SNCAIP: variants seen among roughly 807,000 people sequenced by gnomAD.
SNCAIP encodes the protein synphilin-1.
A neutral mutation model predicts 86.7 loss-of-function variants in SNCAIP; 43 were observed. The ratio of observed to expected loss-of-function variants is 0.50; its 90% CI spans 0.39 to 0.64. The LOEUF is 0.64. SNCAIP is among the 30% of genes least tolerant of loss of function. SNCAIP has a pLI of 0.00. For synonymous variants in SNCAIP, 417 were observed against 427.2 expected (o/e 0.98, Z 0.29); for missense variants, 981 against 1,103.1 (o/e 0.89, Z 1.57).
chr5:122,311,764 G>A (rs1750611155), upstream of SNCAIP: 1 of 152,410 alleles, frequency 6.6e-6, no homozygotes, highest in Non-Finnish European at 1.5e-5. Context: ...AACGGCAGTC[G>A]AGGTAAAAAG....
chr5:122,391,027 T>C (rs1383827853), intron 1 of SNCAIP, 62 bp from the exon 2 acceptor site: 2 of 835,908 alleles, frequency 2.4e-6, no homozygotes, highest in Admixed American at 3.5e-5. Context: ...ATGTAGACAT[T>C]ATTTTTGGTT....
intron 1 of SNCAIP, among the ~76,000 whole-genome samples, chr5:122,347,542 C>A (rs1455300359): frequency 2.0e-5 from 3 of 151,896 alleles, no homozygotes; most frequent in Non-Finnish European, 1.5e-5. Context: ...AGCCATGTAA[C>A]AATGGTTCTG....
At chr5:122,449,026 A>C (rs1056767092) in intron 8 of SNCAIP, among the ~76,000 whole-genome samples, 6 of 151,982 alleles carry the variant, frequency 3.9e-5, no homozygotes, top group African/African-American at 1.4e-4. Context: ...AAAAAAAAAA[A>C]TGAGGTTACA....
At chr5:122,461,681 T>TC (rs1291577362) in intron 10 of SNCAIP, among the ~76,000 whole-genome samples, 1 of 148,996 alleles carries the variant, frequency 6.7e-6, no homozygotes, top group Non-Finnish European at 1.5e-5. Context: ...TTTTTTTTTT[T>TC]TTTCTTTTTC....
intron 3 of SNCAIP, among the ~76,000 whole-genome samples, chr5:122,409,561 G>A (rs1773700934): frequency 1.3e-5 from 2 of 152,202 alleles, no homozygotes; most frequent in Admixed American, 1.3e-4. Context: ...ATAATATAAA[G>A]TGTTACTTGT....
At chr5:122,425,049 A>C (rs965860482) in intron 4 of SNCAIP, among the ~76,000 whole-genome samples, 5 of 152,240 alleles carry the variant, frequency 3.3e-5, no homozygotes, top group African/African-American at 7.2e-5. Flanking sequence ...GGAGACAGAC[A>C]GGGAACCTGA....
intron 2 of SNCAIP, 55 bp downstream of exon 2, chr5:122,391,246 T>C (rs997253776): frequency 8.2e-7 from 1 of 1,223,060 alleles, no homozygotes; most frequent in Non-Finnish European, 1.2e-6. Context: ...TTCAACTTCA[T>C]AGCCTACTTT....
At chr5:122,349,209 C>A (rs893713037) in intron 1 of SNCAIP, among the ~76,000 whole-genome samples, 1 of 152,130 alleles carries the variant, frequency 6.6e-6, no homozygotes, top group South Asian at 2.1e-4. Flanking sequence ...ATTTTTGGAA[C>A]GCGATGATCC....
At chr5:122,403,712 G>A (rs1290377973) in intron 2 of SNCAIP, 81 bp from the exon 3 acceptor site, 17 of 1,087,254 alleles carry the variant, frequency 1.6e-5, no homozygotes, top group Non-Finnish European at 2.4e-5. Context: ...CACTTATTGT[G>A]TTTTGTTTTT....
chr5:122,365,446 A>T (rs1314174953), intron 1 of SNCAIP, among the ~76,000 whole-genome samples: 1 of 152,182 alleles, frequency 6.6e-6, no homozygotes, highest in East Asian at 1.9e-4. Context: ...TGGGAGGCCG[A>T]GGCAGGTGGA....
At chr5:122,374,157 G>C (rs969825077) in intron 1 of SNCAIP, among the ~76,000 whole-genome samples, 1 of 152,146 alleles carries the variant, frequency 6.6e-6, no homozygotes, top group Non-Finnish European at 1.5e-5. Context: ...CAGAGAGAAA[G>C]AAGATGACAT....
At position 122,432,078 on chromosome 5, in the gene SNCAIP, GC is replaced by G; in HGVS notation, c.1294del (p.Gln432ArgfsTer22). 1 of 1,461,090 alleles carries G rather than the reference GC, an allele frequency of 6.8e-7. No homozygotes were observed. Among genetic ancestry groups the G allele is most frequent in the Non-Finnish European group, 9.6e-7 (1 of 1,040,958 alleles). 90.5% of individuals were successfully genotyped at this position (1,461,090 alleles called of 1,614,324 possible). The part of the protein sequence containing the change: ...PSLIHYAGCY[G>X]QEKILLWLLQ... ...CTTATTCATTACGCAGGTTGCTATGGCCAGGTATGAAGGAGTTTTTTAAGTA... is the reference window on the plus strand; with the variant it reads ...CTTATTCATTACGCAGGTTGCTATGGCAGGTATGAAGGAGTTTTTTAAGTA... On this transcript the variant is annotated frameshift_variant, in exon 6 of 11. Coordinates refer to ENST00000261368, the MANE Select transcript of SNCAIP (RefSeq NM_005460.4). LOFTEE classifies it high-confidence loss of function.
chr5:122,410,806 G>A (rs1253644238), intron 3 of SNCAIP, among the ~76,000 whole-genome samples: 1 of 152,230 alleles, frequency 6.6e-6, no homozygotes, highest in Non-Finnish European at 1.5e-5. Context: ...CTGGGTGACA[G>A]CGAGATTCCG....
chr5:122,451,143 T>C lies in SNCAIP; in HGVS notation c.2296T>C (p.Ser766Pro). ...AGACTTAGAATCCCAGTATCCAGGC[T>C]CAGGGAGTATTCCTCCAAACCAGCC... ...EPDLESQYPG[S>P]GSIPPNQPSG... is the part of the protein sequence containing the mutation. Residue 766 changes from serine (S) to proline (P), a missense_variant, in exon 10 of 11, where the codon TCA becomes CCA. Ser to Pro is a moderately conservative substitution (Grantham distance 74, BLOSUM62 -1). Coordinates refer to ENST00000261368, the MANE Select transcript of SNCAIP (RefSeq NM_005460.4). 2 of 1,614,018 alleles carry C rather than the reference T, an allele frequency of 1.2e-6. No individual in the cohort carries two copies. Among genetic ancestry groups the C allele is most frequent in the Non-Finnish European group, 1.7e-6 (2 of 1,179,996 alleles).
chr5:122,323,386 T>C (rs1474822952), intron 1 of SNCAIP: 1 of 152,212 alleles, frequency 6.6e-6, no homozygotes. Context: ...TGCTAGGAAA[T>C]ACAGCAGAGC....
At chr5:122,346,733 G>T (rs556568129) in intron 1 of SNCAIP, among the ~76,000 whole-genome samples, 20 of 151,512 alleles carry the variant, frequency 1.3e-4, no homozygotes, top group African/African-American at 4.8e-4. Flanking sequence ...TAGGACTCTT[G>T]AATTCATTTC....
At chr5:122,433,429 G>C (rs1279671316) in intron 6 of SNCAIP, among the ~76,000 whole-genome samples, 4 of 152,204 alleles carry the variant, frequency 2.6e-5, no homozygotes, top group South Asian at 2.1e-4. Flanking sequence ...ATCCTGTTTT[G>C]TCCCCATTTG....
intron 1 of SNCAIP, among the ~76,000 whole-genome samples, chr5:122,382,494 T>C (rs1357471462): frequency 6.6e-6 from 1 of 152,236 alleles, no homozygotes; most frequent in Non-Finnish European, 1.5e-5. Context: ...TTGAATGTCC[T>C]CCCGTAGCTC....
intron 4 of SNCAIP, among the ~76,000 whole-genome samples, chr5:122,423,945 G>A (rs1222371064): frequency 6.6e-6 from 1 of 152,196 alleles, no homozygotes; most frequent in African/African-American, 2.4e-5. Flanking sequence ...ACTATAGAGG[G>A]AGTGTTATTT....
Sources: allele counts gnomAD v4.1 joint callset (sites outside exome capture counted in the v4.1 genomes callset), GRCh38; gene constraint gnomAD v4.1.1; transcripts MANE v1.5; gene names NCBI Gene and HGNC (gene_info 2026-07-23, HGNC 2026-07-21).